Variants in ROR1 observed in about 807,000 individuals in gnomAD.
ROR1 encodes inactive tyrosine-protein kinase transmembrane receptor ROR1.
In ROR1, 19 loss-of-function variants were observed where a neutral mutation model predicts 78.8. The observed-to-expected ratio is 0.24, with a 90% CI of 0.17 to 0.35. ROR1 has a LOEUF of 0.35. Ranked by LOEUF, ROR1 falls within the 10% of genes least tolerant of loss-of-function variation. ROR1 has a pLI of 1.00. For synonymous variants in ROR1, 386 were observed against 433.6 expected, an observed-to-expected ratio of 0.89 and a Z score of 1.36; for missense variants, 917 against 1,177.8, an observed-to-expected ratio of 0.78 and a Z score of 3.24.
chr1:63,854,575 A>T (rs942119233), intron 1 of ROR1, among the ~76,000 whole-genome samples: 7 of 152,224 alleles, frequency 4.6e-5, no homozygotes, highest in African/African-American at 1.7e-4. Flanking sequence ...ATCCGAACGT[A>T]CTTCCATCAC....
chr1:64,055,041 G>A (rs1473251502), intron 4 of ROR1, among the ~76,000 whole-genome samples: 5 of 151,896 alleles, frequency 3.3e-5, no homozygotes, highest in Admixed American at 6.6e-5. Flanking sequence ...CCACCGTGAC[G>A]ACCTCATTTT....
intron 4 of ROR1, among the ~76,000 whole-genome samples, chr1:64,116,911 A>G (rs1004399926): frequency 2.0e-5 from 3 of 152,160 alleles, no homozygotes; most frequent in African/African-American, 7.2e-5. Context: ...GGCCTCTCAT[A>G]TGAAATAACA....
intron 4 of ROR1, among the ~76,000 whole-genome samples, chr1:64,063,935 A>G (rs1303095635): frequency 6.6e-6 from 1 of 152,154 alleles, no homozygotes. Context: ...AGGAACTTGC[A>G]TTAGCCCAGC....
intron 1 of ROR1, among the ~76,000 whole-genome samples, chr1:63,867,210 G>A (rs1468641579): frequency 6.6e-6 from 1 of 152,176 alleles, no homozygotes; most frequent in Non-Finnish European, 1.5e-5. Context: ...CACTATAATA[G>A]ACACATAATT....
At chr1:64,111,482 C>T (rs1296610684) in intron 4 of ROR1, 1 of 152,190 alleles carries the variant, frequency 6.6e-6, no homozygotes, top group Non-Finnish European at 1.5e-5. Context: ...ATTTCAACAA[C>T]AGCTTTAGGA....
At chr1:64,064,853 T>C (rs980011665) in intron 4 of ROR1, among the ~76,000 whole-genome samples, 1 of 152,248 alleles carries the variant, frequency 6.6e-6, no homozygotes. Flanking sequence ...CTTTTATTTA[T>C]AGTACTGTCT....
chr1:63,878,128 G>A (rs1367982647), intron 1 of ROR1, among the ~76,000 whole-genome samples: 1 of 152,140 alleles, frequency 6.6e-6, no homozygotes, highest in Non-Finnish European at 1.5e-5. Context: ...CTAAGTGTGG[G>A]CAGATGGTGT....
intron 2 of ROR1, among the ~76,000 whole-genome samples, chr1:64,015,447 G>A (rs1646513015): frequency 6.6e-6 from 1 of 152,100 alleles, no homozygotes; most frequent in South Asian, 2.1e-4. Flanking sequence ...TCACCATCAA[G>A]GCCTATGACC....
At chr1:64,055,501 A>C (rs1430546858) in intron 4 of ROR1, among the ~76,000 whole-genome samples, 1 of 152,206 alleles carries the variant, frequency 6.6e-6, no homozygotes, top group Admixed American at 6.5e-5. Flanking sequence ...AGAGGGCAAG[A>C]CATGTAGAGA....
intron 7 of ROR1, among the ~76,000 whole-genome samples, chr1:64,152,352 G>A (rs1247641224): frequency 2.0e-5 from 3 of 152,222 alleles, no homozygotes; most frequent in Middle Eastern, 6.8e-3. Context: ...CCTTAAAAAT[G>A]TGGCTCTTAG....
intron 4 of ROR1, among the ~76,000 whole-genome samples, chr1:64,132,428 T>C (rs190925218): frequency 2.4e-4 from 37 of 152,194 alleles, no homozygotes; most frequent in Middle Eastern, 3.4e-3. Flanking sequence ...GATTTTACAG[T>C]CAGGAAAGTC....
intron 1 of ROR1, among the ~76,000 whole-genome samples, chr1:63,786,256 ATTTTTTTTTTTTTTTTTTTTTT>A (rs34933492): frequency 1.5e-5 from 1 of 67,468 alleles, no homozygotes; most frequent in African/African-American, 5.0e-5. Flanking sequence ...CTACAACTTG[ATTTTTTTTTTTTTTTTTTTTTT>A]TTTTTTTTTT....
chr1:63,799,963 T>C (rs888185606), intron 1 of ROR1, among the ~76,000 whole-genome samples: 1 of 152,226 alleles, frequency 6.6e-6, no homozygotes, highest in Admixed American at 6.5e-5. Flanking sequence ...TTATCTTTTA[T>C]GGTCAAAGAA....
At chr1:63,987,367 C>T (rs1488962342) in intron 1 of ROR1, among the ~76,000 whole-genome samples, 2 of 152,292 alleles carry the variant, frequency 1.3e-5, no homozygotes, top group South Asian at 2.1e-4. Flanking sequence ...TGTCTTTAAC[C>T]CGTGCTTATT....
chr1:63,806,348 C>G (rs1020124237), intron 1 of ROR1, among the ~76,000 whole-genome samples: 1 of 143,932 alleles, frequency 6.9e-6, no homozygotes, highest in African/African-American at 2.6e-5. Context: ...GATGGAGTCT[C>G]GCTCTGTCGC....
intron 1 of ROR1, among the ~76,000 whole-genome samples, chr1:63,883,724 G>A (rs1645338463): frequency 1.3e-5 from 2 of 152,152 alleles, no homozygotes; most frequent in South Asian, 4.1e-4. Context: ...CCCATCAGAT[G>A]TTTTGCCAGC....
chr1:63,939,887 A>G (rs1486088576), intron 1 of ROR1, among the ~76,000 whole-genome samples: 5 of 152,188 alleles, frequency 3.3e-5, no homozygotes, highest in African/African-American at 4.8e-5. Flanking sequence ...AGAGAGATTG[A>G]CTTCCCCAAG....
chr1:63,836,866 G>A (rs1251009077), intron 1 of ROR1, among the ~76,000 whole-genome samples: 3 of 152,182 alleles, frequency 2.0e-5, no homozygotes, highest in Admixed American at 6.5e-5. Flanking sequence ...AAGCTTGTGG[G>A]CCTGTTGAGT....
chr1:63,827,541 C>T (rs1036471835), intron 1 of ROR1, among the ~76,000 whole-genome samples: 7 of 152,120 alleles, frequency 4.6e-5, no homozygotes, highest in African/African-American at 1.7e-4. Context: ...GGAATTTGTT[C>T]TGTAAACTGG....
Sources: allele counts gnomAD v4.1 joint callset (sites outside exome capture counted in the v4.1 genomes callset), GRCh38; gene constraint gnomAD v4.1.1; transcripts MANE v1.5; gene names NCBI Gene and HGNC (gene_info 2026-07-23, HGNC 2026-07-21).